Variants in RARRES1 observed in about 807,000 individuals in gnomAD.
RARRES1 encodes the protein retinoic acid receptor responder protein 1.
A neutral mutation model predicts 30.6 loss-of-function variants in RARRES1; 34 were observed. That is an observed-to-expected ratio of 1.11 (90% CI 0.84 to 1.48). The LOEUF (loss-of-function observed/expected upper bound fraction) is 1.48, where lower values mean the gene tolerates loss of function less well. RARRES1 is among the 40% of genes most tolerant of loss of function. The probability of loss-of-function intolerance (pLI) is 0.00; values close to 1 mark genes in which losing one functional copy is unlikely to be tolerated. For synonymous variants in RARRES1, 153 were observed against 155.5 expected, an observed-to-expected ratio of 0.98 and a Z score of 0.12; for missense variants, 373 against 386.5, an observed-to-expected ratio of 0.97 and a Z score of 0.29.
Position 158,705,006 on chromosome 3 carries a change from G to T in RARRES1, c.536-79C>A, listed in dbSNP as rs1244976738. On this transcript the variant is annotated intron_variant, in intron 3 of 5. Transcript: ENST00000237696. ...TCAGAAGTTGCAGAAATGAAATAGGGTTTAAACTTAGTCATACCAGTCATC... is the reference window on the plus strand; with the variant it reads ...TCAGAAGTTGCAGAAATGAAATAGGTTTTAAACTTAGTCATACCAGTCATC... 7 of 1,533,942 alleles carry T rather than the reference G, an allele frequency of 4.6e-6. No individual in the cohort carries two copies. The African/African-American group carries it at 5.5e-5, about 12-fold the overall frequency.
In RARRES1 at chr3:158,732,447, G is replaced by C; in HGVS notation, c.-32C>G. On this transcript the variant is annotated 5_prime_UTR_variant, in exon 1 of 6. Coordinates refer to ENST00000237696, the MANE Select transcript of RARRES1 (RefSeq NM_206963.2). ...AGGAAAGTTGGCTCGGCACCCGACA[G>C]ACACGGGCTCGGAGCGGGCAGTGCC... 2 of 1,517,920 alleles carry C rather than the reference G, an allele frequency of 1.3e-6. No homozygotes were observed. The highest frequency in any genetic ancestry group is 1.8e-6 in the Non-Finnish European group (2 of 1,137,894). 94.0% of individuals were successfully genotyped at this position (1,517,920 alleles called of 1,614,324 possible).
chr3:158,713,464 T>A (rs1164270272), intron 2 of RARRES1, among the ~76,000 whole-genome samples: 1 of 152,052 alleles, frequency 6.6e-6, no homozygotes, highest in Admixed American at 6.6e-5. Flanking sequence ...AAGTTGGCAT[T>A]TGAAAGTGAG....
Position 158,697,906 on chromosome 3 carries a change from A to G in RARRES1, c.735+2T>C. ...AATTCTACATACAATGTTATGTTTT[A>G]CCTGTGTTGATAATTCATGAAGTAG... On this transcript the variant is annotated splice_donor_variant, in intron 5 of 5. Transcript: ENST00000237696. LOFTEE classifies it high-confidence loss of function. The G allele has an allele frequency of 6.4e-7, 1 of 1,558,032 alleles. No homozygotes were observed. Among genetic ancestry groups the G allele is most frequent in the South Asian group, 1.1e-5 (1 of 89,336 alleles).
At chr3:158,719,474 G>A (rs1727429886) in intron 1 of RARRES1, among the ~76,000 whole-genome samples, 2 of 152,062 alleles carry the variant, frequency 1.3e-5, no homozygotes, top group Admixed American at 6.5e-5. Context: ...ATTTTACCAT[G>A]TTGGCCAGGC....
chr3:158,714,537 A>G (rs1046333044), intron 1 of RARRES1, among the ~76,000 whole-genome samples: 1 of 152,216 alleles, frequency 6.6e-6, no homozygotes, highest in South Asian at 2.1e-4. Context: ...AAGTCTTCCA[A>G]TGCTATGCTC....
At chr3:158,731,300 C>A (rs908390687) in intron 1 of RARRES1, among the ~76,000 whole-genome samples, 3 of 152,186 alleles carry the variant, frequency 2.0e-5, no homozygotes, top group African/African-American at 7.2e-5. Context: ...ATTCCAGATT[C>A]TTTGAGGCCG....
chr3:158,704,696 T>A, intron 4 of RARRES1, 95 bp downstream of exon 4: 1 of 1,480,528 alleles, frequency 6.8e-7, no homozygotes, highest in African/African-American at 1.4e-5. Flanking sequence ...ATTACAACTC[T>A]TGATATGAAA....
At chr3:158,731,277 C>T (rs1222705080) in intron 1 of RARRES1, among the ~76,000 whole-genome samples, 1 of 152,188 alleles carries the variant, frequency 6.6e-6, no homozygotes, top group African/African-American at 2.4e-5. Context: ...TTATTAAATA[C>T]ATGCGATACT....
chr3:158,710,177 G>A (rs1576813394), intron 3 of RARRES1, among the ~76,000 whole-genome samples: 1 of 151,178 alleles, frequency 6.6e-6, no homozygotes, highest in African/African-American at 2.4e-5. Context: ...TTCTTACTGT[G>A]CCCCTCATTC....
At position 158,728,516 on chromosome 3, in the gene RARRES1, C is replaced by CTTTTT. The variant is rs755791546; in HGVS notation, c.276+3619_276+3623dup. On this transcript the variant is annotated intron_variant, in intron 1 of 5. Coordinates refer to ENST00000237696, the MANE Select transcript of RARRES1 (RefSeq NM_206963.2). ...GATCAATCGTGGTTTCTTTTTCTTTCTTTTTTTTTTTTTTTTTTGGTTTTT... is the reference window on the plus strand; with the variant it reads ...GATCAATCGTGGTTTCTTTTTCTTTCTTTTTTTTTTTTTTTTTTTTTTTGGTTTTT... 6.2e-3 allele frequency among the ~76,000 whole-genome samples: 831 copies of CTTTTT among 133,836 alleles called. 11 individuals carry two copies. Among genetic ancestry groups the CTTTTT allele is most frequent in the African/African-American group, 0.023 (800 of 34,748 alleles). 87.8% of individuals were successfully genotyped at this position (133,836 alleles called of 152,430 possible).
intron 4 of RARRES1, among the ~76,000 whole-genome samples, chr3:158,698,572 A>T (rs1401139221): frequency 1.3e-5 from 2 of 152,180 alleles, no homozygotes; most frequent in South Asian, 4.1e-4. Context: ...AGTGCATTGG[A>T]TATTTTTCAG....
At chr3:158,725,962 A>C (rs565830141) in intron 1 of RARRES1, among the ~76,000 whole-genome samples, 3 of 152,208 alleles carry the variant, frequency 2.0e-5, no homozygotes, top group Non-Finnish European at 2.9e-5. Context: ...TTTCATCCTT[A>C]GGGCAGTGTG....
Position 158,731,991 on chromosome 3 carries a change from C to A in RARRES1, c.276+149G>T, listed in dbSNP as rs115111705. On this transcript the variant is annotated intron_variant, in intron 1 of 5. Coordinates refer to ENST00000237696, the MANE Select transcript of RARRES1 (RefSeq NM_206963.2). ...CTGGGATACTTCAGGGGCGCCAGGC[C>A]CAGCTGGGATCTCCCCGGGCGTCGT... The A allele has an allele frequency of 6.7e-4, 555 of 825,418 alleles. 1 individual carries two copies. In the African/African-American group the frequency reaches 9.0e-3, roughly 13 times the overall value. The allele number at this position is 825,418 out of a possible 1,614,324, so 51.1% of individuals were successfully genotyped here. A position where few individuals can be genotyped will look rare whatever the true frequency, so the allele number is the denominator to read the frequency against.
At chr3:158,713,685 G>GA (rs2108141524) in intron 2 of RARRES1, 112 bp downstream of exon 2, 2 of 1,087,736 alleles carry the variant, frequency 1.8e-6, no homozygotes, top group South Asian at 1.5e-5. Context: ...AACAGATCAG[G>GA]AAAAAACAAA....
intron 1 of RARRES1, among the ~76,000 whole-genome samples, chr3:158,726,444 G>A (rs115040408): frequency 0.02 from 2,971 of 152,312 alleles, 101 homozygotes; most frequent in African/African-American, 0.068. Flanking sequence ...CCCGAGCACG[G>A]GCTCCTGCCT....
chr3:158,705,926 T>A (rs553719638), intron 3 of RARRES1, among the ~76,000 whole-genome samples: 4 of 152,368 alleles, frequency 2.6e-5, no homozygotes, highest in Admixed American at 2.6e-4. Context: ...CAATGACTAA[T>A]AAATTATTGT....
intron 4 of RARRES1, among the ~76,000 whole-genome samples, chr3:158,699,475 C>T (rs1726656243): frequency 6.8e-6 from 1 of 146,184 alleles, no homozygotes; most frequent in African/African-American, 2.5e-5. Flanking sequence ...CCTTTGCCTA[C>T]ATTGATGGAG....
intron 4 of RARRES1, among the ~76,000 whole-genome samples, chr3:158,701,074 G>T (rs1726705987): frequency 6.6e-6 from 1 of 152,208 alleles, no homozygotes; most frequent in African/African-American, 2.4e-5. Flanking sequence ...TCTACTTAAT[G>T]TGAAGATGAG....
At chr3:158,712,916 A>G (rs1187215424) in intron 2 of RARRES1, among the ~76,000 whole-genome samples, 1 of 152,242 alleles carries the variant, frequency 6.6e-6, no homozygotes, top group Non-Finnish European at 1.5e-5. Context: ...TTGCAACACT[A>G]ACAATCAAAG....
Sources: allele counts gnomAD v4.1 joint callset (sites outside exome capture counted in the v4.1 genomes callset), GRCh38; gene constraint gnomAD v4.1.1; transcripts MANE v1.5; gene names NCBI Gene and HGNC (gene_info 2026-07-23, HGNC 2026-07-21).